The following ENTHD1 variants were observed in gnomAD, a reference collection of about 807,000 sequenced individuals.
ENTHD1 encodes ENTH domain containing 1.
ENTHD1 carries 23 observed loss-of-function variants against 39.1 expected under a neutral mutation model. The ratio of observed to expected loss-of-function variants is 0.59; its 90% CI spans 0.42 to 0.83. The LOEUF (loss-of-function observed/expected upper bound fraction) is 0.83. ENTHD1 is among the 40% of genes least tolerant of loss of function. ENTHD1 has a pLI of 0.00. For synonymous variants in ENTHD1, 230 were observed against 258.2 expected (o/e 0.89, Z 1.05); for missense variants, 624 against 705.4 (o/e 0.88, Z 1.31).
intron 5 of ENTHD1, among the ~76,000 whole-genome samples, chr22:39,791,211 CTTTAGACTATATA>C (rs2065500833): frequency 1.4e-5 from 2 of 146,728 alleles, no homozygotes; most frequent in African/African-American, 2.5e-5. Flanking sequence ...AGTCTAATAT[CTTTAGACTATATA>C]TTTAGACTAT....
intron 4 of ENTHD1, among the ~76,000 whole-genome samples, chr22:39,828,178 A>G (rs569914257): frequency 6.6e-6 from 1 of 152,278 alleles, no homozygotes. Flanking sequence ...CCCCAAAATC[A>G]CTGGAAACTG....
chr22:39,750,178 G>T, intron 6 of ENTHD1: 1 of 208,564 alleles, frequency 4.8e-6, no homozygotes, highest in South Asian at 9.2e-5. Context: ...GGAAAATAAA[G>T]ACTATGGATC....
At chr22:39,784,491 CA>C (rs1411346253) in intron 5 of ENTHD1, among the ~76,000 whole-genome samples, 2 of 151,616 alleles carry the variant, frequency 1.3e-5, no homozygotes, top group Middle Eastern at 3.4e-3. Flanking sequence ...CATATAGAAT[CA>C]ACCTAAGTGC....
intron 2 of ENTHD1, among the ~76,000 whole-genome samples, chr22:39,870,045 C>T (rs2066229335): frequency 2.0e-5 from 3 of 151,218 alleles, no homozygotes; most frequent in South Asian, 4.2e-4. Context: ...GTCTCAATGT[C>T]TCAACCTGCC....
intron 6 of ENTHD1, among the ~76,000 whole-genome samples, chr22:39,745,320 T>G (rs1407728567): frequency 6.6e-6 from 1 of 152,212 alleles, no homozygotes; most frequent in Non-Finnish European, 1.5e-5. Flanking sequence ...AAAATTCCAT[T>G]GTAAGTCACA....
At chr22:39,786,511 T>C (rs1334597837) in intron 5 of ENTHD1, among the ~76,000 whole-genome samples, 1 of 152,184 alleles carries the variant, frequency 6.6e-6, no homozygotes, top group Non-Finnish European at 1.5e-5. Context: ...TTAGATATGA[T>C]GTTAGACCTC....
intron 6 of ENTHD1, among the ~76,000 whole-genome samples, chr22:39,753,590 G>A (rs2065163040): frequency 6.6e-6 from 1 of 152,128 alleles, no homozygotes; most frequent in Non-Finnish European, 1.5e-5. Flanking sequence ...AGGTTATAAT[G>A]CCAGACCTGG....
At chr22:39,754,909 A>AATT (rs1254580784) in intron 6 of ENTHD1, among the ~76,000 whole-genome samples, 1 of 152,152 alleles carries the variant, frequency 6.6e-6, no homozygotes, top group Non-Finnish European at 1.5e-5. Flanking sequence ...TTAAAGTTCA[A>AATT]ATTTCTTAAC....
intron 3 of ENTHD1, among the ~76,000 whole-genome samples, chr22:39,854,382 T>C (rs1198491178): frequency 3.3e-5 from 5 of 152,184 alleles, no homozygotes; most frequent in Admixed American, 1.3e-4. Context: ...GAGTAATCCT[T>C]AATACAGGTA....
chr22:39,820,099 C>T (rs972998661), intron 5 of ENTHD1, among the ~76,000 whole-genome samples: 7 of 152,106 alleles, frequency 4.6e-5, no homozygotes, highest in Non-Finnish European at 1.0e-4. Context: ...ATTAAAATAT[C>T]CTCATCATTC....
chr22:39,744,269 C>A lies in ENTHD1; in HGVS notation c.1234G>T (p.Glu412Ter). The A allele has an allele frequency of 6.3e-7, 1 of 1,595,906 alleles. No homozygotes were observed. The highest frequency in any genetic ancestry group is 1.1e-5 in the South Asian group (1 of 87,380). Residue 412 changes from glutamate to a stop codon, truncating the protein, a stop_gained, in exon 7 of 7, where the codon GAG (glutamate) becomes TAG (stop). Transcript: ENST00000325157. LOFTEE classifies it low-confidence loss of function (END_TRUNC). The part of the protein sequence containing the change: ...KTTTRVSTAS[E>*]GASSFSPLSM... ...AAAGGAGAAAAGGAAGATGCTCCCT[C>A]AGAAGCAGTTGAAACTAAAATGTGT...
At chr22:39,814,925 C>A (rs1193160500) in intron 5 of ENTHD1, among the ~76,000 whole-genome samples, 1 of 152,116 alleles carries the variant, frequency 6.6e-6, no homozygotes, top group African/African-American at 2.4e-5. Flanking sequence ...TTCAGAACTT[C>A]TGTTATTCAA....
intron 5 of ENTHD1, among the ~76,000 whole-genome samples, chr22:39,776,494 C>G (rs977354193): frequency 1.3e-5 from 2 of 152,176 alleles, no homozygotes; most frequent in Non-Finnish European, 2.9e-5. Context: ...CTTTATCATA[C>G]AGTGCTTTTA....
chr22:39,877,655 A>G (rs1160928604), intron 2 of ENTHD1, among the ~76,000 whole-genome samples: 1 of 152,190 alleles, frequency 6.6e-6, no homozygotes, highest in African/African-American at 2.4e-5. Context: ...CTCGCAGTAA[A>G]TACTGGAGAA....
At chr22:39,885,950 A>T (rs921894748) in intron 2 of ENTHD1, among the ~76,000 whole-genome samples, 2 of 152,208 alleles carry the variant, frequency 1.3e-5, no homozygotes, top group Non-Finnish European at 2.9e-5. Context: ...GGCAAATTTT[A>T]TGTTATAGTT....
chr22:39,807,014 G>T (rs904795818), intron 5 of ENTHD1, among the ~76,000 whole-genome samples: 11 of 152,172 alleles, frequency 7.2e-5, no homozygotes, highest in African/African-American at 2.4e-4. Flanking sequence ...GGCTGCAGGG[G>T]TGAGCACAGG....
chr22:39,754,991 C>T (rs922717882), intron 6 of ENTHD1, among the ~76,000 whole-genome samples: 2 of 152,194 alleles, frequency 1.3e-5, no homozygotes, highest in Admixed American at 1.3e-4. Flanking sequence ...TCTTCATGCA[C>T]ATTTTCCACT....
rs1450142408 is a variant in ENTHD1 at position 39,887,370 on chromosome 22, C to G, written c.349+30G>C. The G allele has an allele frequency of 1.9e-6, 3 of 1,558,824 alleles. No homozygotes were observed. The South Asian group carries it at 3.7e-5, about 19-fold the overall frequency. The stretch of plus-strand genomic sequence containing the variant: ...GGATTACCGGTGTACACCACCACAC[C>G]CAGCTTATATAAACTTCTTTAACCA... On this transcript the variant is annotated intron_variant, in intron 2 of 6. Coordinates refer to ENST00000325157, the MANE Select transcript of ENTHD1 (RefSeq NM_152512.4).
At position 39,867,065 on chromosome 22, in the gene ENTHD1, G is replaced by A. The variant is rs940221343; in HGVS notation, c.350-5058C>T. ...CTACAGGCGCCCGCCACCAGGCCCGGCTAATTTTTTTGCATTTTTAGTAGA... is the reference window on the plus strand; with the variant it reads ...CTACAGGCGCCCGCCACCAGGCCCGACTAATTTTTTTGCATTTTTAGTAGA... On this transcript the variant is annotated intron_variant, in intron 2 of 6. Transcript: ENST00000325157. This position sits in a 1 kb window ranked among gnomAD's most constrained non-coding sequence, Gnocchi z 4.5. Among the ~76,000 whole-genome samples the A allele has an allele frequency of 6.6e-6, 1 of 152,106 alleles. No homozygotes were observed. The highest frequency in any genetic ancestry group is 1.5e-5 in the Non-Finnish European group (1 of 68,020).
Sources: gnomAD v4.1 joint callset for allele counts (sites outside exome capture counted in the v4.1 genomes callset) on GRCh38, gnomAD v4.1.1 for gene constraint, Gnocchi (gnomAD v3.1) non-coding constraint, MANE v1.5 for transcripts, NCBI Gene and HGNC (gene_info 2026-07-23, HGNC 2026-07-21) for gene names.